CCNB3: variants seen among roughly 807,000 people sequenced by gnomAD.
CCNB3 encodes cyclin B3.
Under a neutral mutation model 68.0 loss-of-function variants are expected in CCNB3, and 12 were observed. The observed-to-expected ratio is 0.18, with a 90% CI of 0.11 to 0.29. The LOEUF (loss-of-function observed/expected upper bound fraction) is 0.29, where lower values mean the gene tolerates loss of function less well. CCNB3 is among the 10% of genes least tolerant of loss of function. The pLI is 1.00. For synonymous variants in CCNB3, 354 were observed against 388.9 expected (o/e 0.91, Z 1.06); for missense variants, 904 against 993.1 (o/e 0.91, Z 1.21).
At position 50,217,267 on chromosome X, in the gene CCNB3, G is replaced by GTT. The variant is rs1220524134; in HGVS notation, c.-113+12340_-113+12341dup. ...ATGTCTTGAGTTTCCCTTCACTCTTGTTTTTTTTTTTTTTTTTTTTTTTTG... is the reference window on the plus strand; with the variant it reads ...ATGTCTTGAGTTTCCCTTCACTCTTGTTTTTTTTTTTTTTTTTTTTTTTTTTG... On this transcript the variant is annotated intron_variant, in intron 1 of 12. Coordinates refer to ENST00000376042, the MANE Select transcript of CCNB3 (RefSeq NM_033031.3). 2.3e-3 allele frequency among the ~76,000 whole-genome samples: 68 copies of GTT among 29,676 alleles called. 1 individual carries two copies. The highest frequency in any genetic ancestry group is 7.9e-3 in the South Asian group (2 of 252). 25.8% of individuals were successfully genotyped at this position (29,676 alleles called of 115,157 possible). A position where few individuals can be genotyped will look rare whatever the true frequency, so the allele number is the denominator to read the frequency against.
At chrX:50,227,607 T>C (rs1015910339) in intron 1 of CCNB3, among the ~76,000 whole-genome samples, 1 of 81,316 alleles carries the variant, frequency 1.2e-5, no homozygotes, top group African/African-American at 4.5e-5. Context: ...ACAGAGAATA[T>C]ATATATAAAT....
At position 50,311,259 on chromosome X, in the gene CCNB3, A is replaced by G. The variant is rs1253674496; in HGVS notation, c.3090A>G (p.Pro1030=). ...TTGKELSFKE[P]LALQESPTCK... is the part of the protein sequence containing the mutation. ...GGAAGGAGTTGTCCTTCAAGGAGCC[A>G]TTGGCCTTACAAGAGAGTCCCACCT... The change falls in exon 6 of 13, where the codon CCA becomes CCG. Residue 1030 remains proline (P), a synonymous_variant. Coordinates refer to ENST00000376042, the MANE Select transcript of CCNB3 (RefSeq NM_033031.3). The G allele has an allele frequency of 1.2e-5, 15 of 1,208,725 alleles. No individual in the cohort carries two copies. Among genetic ancestry groups the G allele is most frequent in the South Asian group, 1.8e-5 (1 of 56,630 alleles).
intron 10 of CCNB3, 137 bp downstream of exon 10, chrX:50,346,944 C>T: frequency 1.5e-6 from 1 of 651,892 alleles, no homozygotes; most frequent in South Asian, 3.4e-5. Flanking sequence ...ATCCAATCTC[C>T]TAGGTTAAAG....
intron 1 of CCNB3, among the ~76,000 whole-genome samples, chrX:50,217,449 T>G (rs966277245): frequency 1.2e-4 from 13 of 109,210 alleles, no homozygotes; most frequent in African/African-American, 4.0e-4. Context: ...ATTTTTTGTA[T>G]TTTTAGTAGA....
rs1936292662 is a variant in CCNB3, at chrX:50,288,800, G to A, written c.117G>A (p.Thr39=). 1.7e-6 allele frequency: 2 copies of A among 1,205,155 alleles called. No homozygotes were observed. Among genetic ancestry groups the A allele is most frequent in the African/African-American group, 1.8e-5 (1 of 57,013 alleles). Residue 39 remains threonine (T), a synonymous_variant, in exon 4 of 13, where the codon ACG becomes ACA. Transcript: ENST00000376042. The stretch of plus-strand genomic sequence containing the variant: ...TTTAGACGGGGGAGAATTGCCAAAC[G>A]AAGATATCTCCATCTTCACTTCAGG... ...PSEKTGENCQ[T]KISPSSLQES...
chrX:50,279,802 T>G lies in CCNB3; in HGVS notation c.-112-4740T>G, dbSNP rs1432522278. 1.7e-4 allele frequency among the ~76,000 whole-genome samples: 15 copies of G among 87,866 alleles called. No individual in the cohort carries two copies. The South Asian group carries it at 7.5e-3, about 44-fold the overall frequency. 76.3% of individuals were successfully genotyped at this position (87,866 alleles called of 115,157 possible). On this transcript the variant is annotated intron_variant, in intron 1 of 12. Transcript: ENST00000376042. ...TTCATATATGTAAATATATACTATA[T>G]ATAGAATATATATGGTATTTATATA...
At chrX:50,312,403 C>T in intron 6 of CCNB3, 134 bp from the exon 7 acceptor site, 1 of 533,159 alleles carries the variant, frequency 1.9e-6, no homozygotes. Context: ...TGTGTTATGG[C>T]CCAACATATA....
chrX:50,226,210 A>G (rs1244386970), intron 1 of CCNB3, among the ~76,000 whole-genome samples: 1 of 65,968 alleles, frequency 1.5e-5, no homozygotes, highest in Non-Finnish European at 2.4e-5. Context: ...GAATATATAT[A>G]TTTATATATA....
At chrX:50,226,066 A>ATT (rs1935756430) in intron 1 of CCNB3, among the ~76,000 whole-genome samples, 3 of 88,193 alleles carry the variant, frequency 3.4e-5, no homozygotes, top group Non-Finnish European at 6.4e-5. Flanking sequence ...TAGAATATAT[A>ATT]CGAATATATA....
chrX:50,228,869 G>GTAGAATATATATGTAGAATATATATA (rs1935998403), intron 1 of CCNB3, among the ~76,000 whole-genome samples: 2 of 38,454 alleles, frequency 5.2e-5, no homozygotes, highest in African/African-American at 2.1e-4. Flanking sequence ...GAATATATAT[G>GTAGAATATATATGTAGAATATATATA]TAGAATATAT....
intron 5 of CCNB3, among the ~76,000 whole-genome samples, chrX:50,295,645 A>C (rs1727440546): frequency 9.0e-6 from 1 of 111,725 alleles, no homozygotes; most frequent in South Asian, 3.8e-4. Context: ...ATGTTGCCTT[A>C]TTCCCCTCTG....
intron 11 of CCNB3, among the ~76,000 whole-genome samples, chrX:50,348,321 T>C (rs1220263507): frequency 8.9e-6 from 1 of 112,203 alleles, no homozygotes; most frequent in Non-Finnish European, 1.9e-5. Context: ...GCTTTCTCAA[T>C]TTTATGAAAA....
At chrX:50,214,014 A>T (rs1935523219) in intron 1 of CCNB3, among the ~76,000 whole-genome samples, 1 of 111,403 alleles carries the variant, frequency 9.0e-6, no homozygotes, top group South Asian at 3.8e-4. Context: ...ACACCAGCCA[A>T]AGTTTCCTTG....
intron 1 of CCNB3, among the ~76,000 whole-genome samples, chrX:50,226,775 T>A (rs1316587069): frequency 1.3e-5 from 1 of 79,633 alleles, no homozygotes; most frequent in African/African-American, 5.1e-5. Flanking sequence ...ACATAGAATA[T>A]ATATATGAAT....
chrX:50,350,596 A>G (rs974402277), intron 11 of CCNB3, among the ~76,000 whole-genome samples: 1 of 111,768 alleles, frequency 8.9e-6, no homozygotes, highest in Non-Finnish European at 1.9e-5. Context: ...TTACCTGGCC[A>G]TTAGCTCTGG....
chrX:50,342,324 T>C lies in CCNB3; in HGVS notation c.3639T>C (p.Ile1213=). The part of the protein sequence containing the change: ...LQLLGATAFM[I]AAKFEEHNSP... ...TCCTTGGTGCCACTGCCTTTATGATTGCAGCAAAATTTGAGGTGAGTCTGA... is the reference window on the plus strand; with the variant it reads ...TCCTTGGTGCCACTGCCTTTATGATCGCAGCAAAATTTGAGGTGAGTCTGA... Residue 1213 remains isoleucine, a synonymous_variant, in exon 9 of 13, where the codon ATT becomes ATC. Coordinates refer to ENST00000376042, the MANE Select transcript of CCNB3 (RefSeq NM_033031.3). 1 of 1,198,761 alleles carries C rather than the reference T, an allele frequency of 8.3e-7. No homozygotes were observed.
Position 50,279,875 on chromosome X carries a change from A to G in CCNB3, c.-112-4667A>G, listed in dbSNP as rs1414168150. On this transcript the variant is annotated intron_variant, in intron 1 of 12. Transcript: ENST00000376042. The stretch of plus-strand genomic sequence containing the variant: ...AAAATATATATACTATATATAAAAT[A>G]TATATAGTATATATAAATATATAGT... Among the ~76,000 whole-genome samples the G allele has an allele frequency of 3.6e-3, 316 of 87,349 alleles. 4 individuals carry two copies. The highest frequency in any genetic ancestry group is 0.013 in the African/African-American group (301 of 23,112). 75.9% of individuals were successfully genotyped at this position (87,349 alleles called of 115,157 possible). A position where few individuals can be genotyped will look rare whatever the true frequency, so the allele number is the denominator to read the frequency against.
At chrX:50,314,995 C>T (rs1225224484) in intron 8 of CCNB3, among the ~76,000 whole-genome samples, 1 of 111,730 alleles carries the variant, frequency 9.0e-6, no homozygotes, top group Non-Finnish European at 1.9e-5. Context: ...GAATGATGAA[C>T]TAAATATTTT....
chrX:50,317,049 C>T (rs988049147), intron 8 of CCNB3, among the ~76,000 whole-genome samples: 2 of 112,537 alleles, frequency 1.8e-5, no homozygotes, highest in Non-Finnish European at 3.7e-5. Flanking sequence ...ATTCTCACCT[C>T]CAATGCATGA....
Sources: gnomAD v4.1 joint callset for allele counts (sites outside exome capture counted in the v4.1 genomes callset) on GRCh38, gnomAD v4.1.1 for gene constraint, MANE v1.5 for transcripts, NCBI Gene and HGNC (gene_info 2026-07-23, HGNC 2026-07-21) for gene names.